HOPX: variants seen among roughly 807,000 people sequenced by gnomAD.
HOPX encodes homeodomain-only protein.
HOPX carries 5 observed loss-of-function variants against 11.8 expected under a neutral mutation model. The observed-to-expected ratio is 0.43, with a 90% CI of 0.22 to 0.89. The LOEUF (loss-of-function observed/expected upper bound fraction) is 0.89. Ranked by LOEUF, HOPX falls within the 40% of genes least tolerant of loss-of-function variation. The pLI is 0.28. For missense variants in HOPX, 119 were observed against 120.0 expected, an observed-to-expected ratio of 0.99 and a Z score of 0.04; for synonymous variants, 49 against 49.7, an observed-to-expected ratio of 0.99 and a Z score of 0.06.
In HOPX at chr4:56,651,761, C is replaced by T. The variant is rs950844877; in HGVS notation, c.199-2964G>A. ...AAAACCACTGGGTTCTGGGAACAAG[C>T]TCAGGACATCAAGAGGAGATAAAAA... On this transcript the variant is annotated intron_variant, in intron 3 of 3. Coordinates refer to ENST00000420433, the MANE Select transcript of HOPX (RefSeq NM_032495.6). 1.3e-5 allele frequency among the ~76,000 whole-genome samples: 2 copies of T among 151,954 alleles called. 1 individual carries two copies. Among genetic ancestry groups the T allele is most frequent in the Non-Finnish European group, 2.9e-5 (2 of 68,008 alleles).
intron 1 of HOPX, among the ~76,000 whole-genome samples, chr4:56,660,103 A>G (rs554734529): frequency 6.6e-6 from 1 of 152,226 alleles, no homozygotes; most frequent in East Asian, 1.9e-4. Flanking sequence ...TGAAAGGAAA[A>G]CTCCTTCCAG....
At chr4:56,672,081 G>A (rs764678785) in intron 1 of HOPX, among the ~76,000 whole-genome samples, 2 of 152,026 alleles carry the variant, frequency 1.3e-5, no homozygotes, top group African/African-American at 2.4e-5. Flanking sequence ...GCAACAAAAT[G>A]ACATCAGGTT....
At chr4:56,660,275 G>T (rs538046081) in intron 1 of HOPX, among the ~76,000 whole-genome samples, 5 of 152,224 alleles carry the variant, frequency 3.3e-5, no homozygotes, top group African/African-American at 1.2e-4. Flanking sequence ...ATATTTAATA[G>T]AACTTAGAAC....
chr4:56,669,243 G>A (rs777859188), intron 1 of HOPX, among the ~76,000 whole-genome samples: 6 of 151,938 alleles, frequency 3.9e-5, no homozygotes, highest in Non-Finnish European at 8.8e-5. Flanking sequence ...CTGATTTGCT[G>A]AACACTTTGT....
chr4:56,675,997 TAA>T (rs1560376087), intron 1 of HOPX, among the ~76,000 whole-genome samples: 2 of 151,894 alleles, frequency 1.3e-5, no homozygotes, highest in Non-Finnish European at 2.9e-5. Flanking sequence ...CTTGATGTTT[TAA>T]AAGTCAAAGG....
chr4:56,660,804 CTG>C (rs1426208794), intron 1 of HOPX, among the ~76,000 whole-genome samples: 1 of 152,140 alleles, frequency 6.6e-6, no homozygotes, highest in African/African-American at 2.4e-5. Flanking sequence ...TAAATAAACA[CTG>C]GTGAACCCCG....
At chr4:56,678,409 A>C (rs978508391) in intron 1 of HOPX, among the ~76,000 whole-genome samples, 2 of 146,920 alleles carry the variant, frequency 1.4e-5, no homozygotes, top group Admixed American at 1.3e-4. Flanking sequence ...ATTCTGATTT[A>C]ATTGGTCCAG....
intron 3 of HOPX, chr4:56,649,480 C>T (rs1716942784): frequency 6.6e-6 from 1 of 152,248 alleles, no homozygotes; most frequent in South Asian, 2.1e-4. Flanking sequence ...GAGCGCTGCA[C>T]AACCTCAGAG....
intron 1 of HOPX, chr4:56,678,814 CA>C (rs1235715824): frequency 6.6e-6 from 1 of 151,960 alleles, no homozygotes; most frequent in Admixed American, 6.6e-5. Context: ...AGATTATCTC[CA>C]GGGACCCTCC....
At chr4:56,681,378 G>A (rs1304719784), upstream of HOPX, 8 of 985,294 alleles carry the variant, frequency 8.1e-6, no homozygotes, top group Non-Finnish European at 9.6e-6. Context: ...ACGCCTATGA[G>A]CACACACTCG....
intron 1 of HOPX, among the ~76,000 whole-genome samples, chr4:56,669,648 G>C (rs1040244790): frequency 1.4e-5 from 2 of 147,752 alleles, no homozygotes; most frequent in Non-Finnish European, 3.0e-5. Context: ...GATAGAGCAG[G>C]ACTCTGTCTC....
chr4:56,655,379 C>A (rs1394739556), intron 3 of HOPX, among the ~76,000 whole-genome samples: 1 of 152,256 alleles, frequency 6.6e-6, no homozygotes, highest in East Asian at 1.9e-4. Flanking sequence ...TTCGCCAAAC[C>A]GGAGGACTGA....
At chr4:56,657,431 TG>T (rs1483708912) in intron 2 of HOPX, among the ~76,000 whole-genome samples, 3 of 152,214 alleles carry the variant, frequency 2.0e-5, no homozygotes, top group African/African-American at 7.2e-5. Context: ...CCCGGCAGAA[TG>T]TACCCAATGC....
intron 1 of HOPX, chr4:56,678,808 T>C (rs1265231100): frequency 2.0e-5 from 3 of 152,090 alleles, no homozygotes; most frequent in Non-Finnish European, 2.9e-5. Flanking sequence ...TAGGTTAGAT[T>C]ATCTCCAGGG....
intron 1 of HOPX, among the ~76,000 whole-genome samples, chr4:56,668,616 A>G (rs1718563923): frequency 6.6e-6 from 1 of 152,182 alleles, no homozygotes; most frequent in Non-Finnish European, 1.5e-5. Flanking sequence ...TCCTGGCCTC[A>G]AGCGATCCTT....
intron 3 of HOPX, among the ~76,000 whole-genome samples, chr4:56,653,208 T>C (rs1325100545): frequency 6.6e-6 from 1 of 151,970 alleles, no homozygotes; most frequent in African/African-American, 2.4e-5. Flanking sequence ...TGTTTGATTT[T>C]TTTACTTTTT....
chr4:56,653,249 G>T (rs760637020), intron 3 of HOPX, among the ~76,000 whole-genome samples: 3 of 151,908 alleles, frequency 2.0e-5, no homozygotes, highest in Non-Finnish European at 2.9e-5. Context: ...GATGGGCAGC[G>T]TCTTGCCATG....
intron 1 of HOPX, 145 bp downstream of exon 1, chr4:56,681,109 TG>T: frequency 1.0e-6 from 1 of 978,412 alleles, no homozygotes; most frequent in Non-Finnish European, 1.2e-6. Context: ...AGCTTCTGCT[TG>T]GGGGTAAGCT....
rs775548151 is a variant in HOPX, at chr4:56,648,684, C to T, written c.*36G>A. ...AGCGGAGGAGAGAAACAGAGATGGC[C>T]TTCATGGAGTGAAGCTGTCAATGCC... On this transcript the variant is annotated 3_prime_UTR_variant, in exon 4 of 4. Coordinates refer to ENST00000420433, the MANE Select transcript of HOPX (RefSeq NM_032495.6). The T allele has an allele frequency of 4.1e-6, 6 of 1,479,636 alleles. No homozygotes were observed. Among genetic ancestry groups the T allele is most frequent in the Middle Eastern group, 1.8e-4 (1 of 5,588 alleles). 91.7% of individuals were successfully genotyped at this position (1,479,636 alleles called of 1,614,324 possible).
Sources: allele counts gnomAD v4.1 joint callset (sites outside exome capture counted in the v4.1 genomes callset), GRCh38; gene constraint gnomAD v4.1.1; transcripts MANE v1.5; gene names NCBI Gene and HGNC (gene_info 2026-07-23, HGNC 2026-07-21).